ASIC2: variants seen among roughly 807,000 people sequenced by gnomAD.
The protein encoded by ASIC2 is acid sensing ion channel subunit 2.
In ASIC2, 25 loss-of-function variants were observed where a neutral mutation model predicts 57.3. The observed-to-expected ratio is 0.44, with a 90% CI of 0.32 to 0.61. The LOEUF is 0.61. Ranked by LOEUF, ASIC2 falls within the 20% of genes least tolerant of loss-of-function variation. ASIC2 has a pLI of 0.06. For synonymous variants in ASIC2, 319 were observed against 307.5 expected (o/e 1.04, Z -0.39); for missense variants, 641 against 738.1 (o/e 0.87, Z 1.52).
At chr17:33,021,162 T>TTC in intron 7 of ASIC2, 57 bp downstream of exon 7, 69 of 693,920 alleles carry the variant, frequency 9.9e-5, no homozygotes, top group Middle Eastern at 3.7e-4. Context: ...CTGTGCATCC[T>TTC]CCCTCCCTCC....
intron 1 of ASIC2, among the ~76,000 whole-genome samples, chr17:33,317,772 T>C (rs1906714604): frequency 6.6e-6 from 1 of 152,020 alleles, no homozygotes; most frequent in Non-Finnish European, 1.5e-5. Flanking sequence ...CCACAGGCTC[T>C]CAGAACAAGA....
chr17:33,124,892 A>G (rs1453198252), intron 1 of ASIC2, among the ~76,000 whole-genome samples: 1 of 152,254 alleles, frequency 6.6e-6, no homozygotes. Flanking sequence ...AGACAGTGAC[A>G]GATCATCAGG....
chr17:34,128,838 A>C (rs574962350), intron 1 of ASIC2, among the ~76,000 whole-genome samples: 1 of 152,316 alleles, frequency 6.6e-6, no homozygotes, highest in African/African-American at 2.4e-5. Flanking sequence ...CTCCAGCTGC[A>C]CATCAGAGCC....
chr17:33,414,252 G>A (rs1014120092), intron 1 of ASIC2, among the ~76,000 whole-genome samples: 1 of 152,210 alleles, frequency 6.6e-6, no homozygotes, highest in African/African-American at 2.4e-5. Context: ...GAGAGTGGAA[G>A]AGGTTAGACC....
intron 1 of ASIC2, among the ~76,000 whole-genome samples, chr17:33,500,712 T>C (rs192843300): frequency 6.6e-6 from 1 of 152,370 alleles, no homozygotes; most frequent in Admixed American, 6.5e-5. Context: ...TATCCGATGA[T>C]AAAACACCTT....
chr17:33,830,594 A>G (rs10468591), intron 1 of ASIC2, among the ~76,000 whole-genome samples: 123,045 of 151,826 alleles, frequency 0.81, 50,224 homozygotes, highest in African/African-American at 0.85. Context: ...ATATGCAGAA[A>G]GTGCAAGTTT....
intron 1 of ASIC2, among the ~76,000 whole-genome samples, chr17:33,412,883 C>T (rs371746093): frequency 2.0e-5 from 3 of 152,058 alleles, no homozygotes; most frequent in South Asian, 4.2e-4. Flanking sequence ...TGAGAGGAGC[C>T]GGGGTCTGGT....
At chr17:33,450,085 T>C (rs1912189672) in intron 1 of ASIC2, among the ~76,000 whole-genome samples, 1 of 152,184 alleles carries the variant, frequency 6.6e-6, no homozygotes, top group Non-Finnish European at 1.5e-5. Context: ...AAATAACTTT[T>C]ATTGCAGCAT....
intron 2 of ASIC2, among the ~76,000 whole-genome samples, chr17:33,104,707 A>T (rs1054084759): frequency 8.5e-5 from 13 of 152,236 alleles, no homozygotes; most frequent in African/African-American, 3.1e-4. Flanking sequence ...CTCTTCAGAG[A>T]TGCTGCCTAA....
At chr17:34,040,036 C>T (rs1260975826) in intron 1 of ASIC2, among the ~76,000 whole-genome samples, 1 of 149,664 alleles carries the variant, frequency 6.7e-6, no homozygotes, top group East Asian at 2.0e-4. Context: ...CCGCCGGCGC[C>T]GGGCTCCACG....
chr17:34,145,019 C>T (rs906482276), intron 1 of ASIC2, among the ~76,000 whole-genome samples: 2 of 152,172 alleles, frequency 1.3e-5, no homozygotes, highest in Admixed American at 1.3e-4. Context: ...AACCACAACC[C>T]AAGATTTGCT....
At chr17:33,711,807 C>T (rs1167903398) in intron 1 of ASIC2, among the ~76,000 whole-genome samples, 1 of 152,160 alleles carries the variant, frequency 6.6e-6, no homozygotes, top group Non-Finnish European at 1.5e-5. Context: ...AGGCCCCTTC[C>T]CTGATAGGCT....
chr17:33,586,163 G>A (rs766500653), intron 1 of ASIC2, among the ~76,000 whole-genome samples: 7 of 152,174 alleles, frequency 4.6e-5, no homozygotes, highest in Non-Finnish European at 1.0e-4. Context: ...CTGGCGCAAA[G>A]TCACCCTGTC....
At chr17:33,273,809 T>A (rs116157083) in intron 1 of ASIC2, among the ~76,000 whole-genome samples, 3 of 150,884 alleles carry the variant, frequency 2.0e-5, no homozygotes, top group Admixed American at 6.6e-5. Flanking sequence ...GTTTAAAAAG[T>A]TGGGGGGCCG....
At chr17:33,356,269 C>G (rs1476762857) in intron 1 of ASIC2, among the ~76,000 whole-genome samples, 2 of 152,040 alleles carry the variant, frequency 1.3e-5, no homozygotes, top group Non-Finnish European at 2.9e-5. Context: ...TCAGGACAAC[C>G]CTATAAGGCA....
chr17:33,719,650 C>T (rs552022477), intron 1 of ASIC2, among the ~76,000 whole-genome samples: 2 of 152,326 alleles, frequency 1.3e-5, no homozygotes, highest in South Asian at 4.1e-4. Flanking sequence ...ATGGAGCCTT[C>T]AGTACCCTTT....
At chr17:33,691,756 G>A (rs1320834430) in intron 1 of ASIC2, among the ~76,000 whole-genome samples, 1 of 151,954 alleles carries the variant, frequency 6.6e-6, no homozygotes, top group African/African-American at 2.4e-5. Context: ...TCCACATATT[G>A]TTGTATTTAG....
rs7213721 is a variant in ASIC2, at chr17:33,292,327, G to A, written c.-212C>T. 1.0e-6 allele frequency: 1 copy of A among 985,926 alleles called. No individual in the cohort carries two copies. Among genetic ancestry groups the A allele is most frequent in the Non-Finnish European group, 1.2e-6 (1 of 831,156 alleles). The allele number at this position is 985,926 out of a possible 1,614,324, so 61.1% of individuals were successfully genotyped here. Reference sequence around the variant, plus strand: ...GGGCGCCCGCCCGGGGCTGAGCGCCGCCTCAGCCCGCAGCCCCTGGCAGTG... The same window carrying A: ...GGGCGCCCGCCCGGGGCTGAGCGCCACCTCAGCCCGCAGCCCCTGGCAGTG... On this transcript the variant is annotated 5_prime_UTR_variant, in exon 1 of 10. Coordinates refer to ENST00000225823, the MANE Select transcript of ASIC2 (RefSeq NM_183377.2).
chr17:33,578,716 G>A (rs959307910), intron 1 of ASIC2, among the ~76,000 whole-genome samples: 1 of 152,122 alleles, frequency 6.6e-6, no homozygotes, highest in Non-Finnish European at 1.5e-5. Flanking sequence ...GACCCGGCTT[G>A]ACCTTGACAG....
Sources: allele counts gnomAD v4.1 joint callset (sites outside exome capture counted in the v4.1 genomes callset), GRCh38; gene constraint gnomAD v4.1.1; transcripts MANE v1.5; gene names NCBI Gene and HGNC (gene_info 2026-07-23, HGNC 2026-07-21).